The following FAM107B variants were observed in gnomAD, a reference collection of about 807,000 sequenced individuals.
The protein encoded by FAM107B is protein FAM107B.
In FAM107B, 21 loss-of-function variants were observed where a neutral mutation model predicts 31.5. The observed-to-expected ratio is 0.67, with a 90% CI of 0.47 to 0.96. The LOEUF (loss-of-function observed/expected upper bound fraction) is 0.96. Ranked by LOEUF, FAM107B falls within the 40% of genes least tolerant of loss-of-function variation. The pLI, the probability that FAM107B is intolerant of heterozygous loss-of-function variation, is 0.00. For missense variants in FAM107B, 452 were observed against 377.1 expected, an observed-to-expected ratio of 1.20 and a Z score of -1.64; for synonymous variants, 157 against 141.5, an observed-to-expected ratio of 1.11 and a Z score of -0.78.
Position 14,620,309 on chromosome 10 carries a change from G to A in FAM107B, c.469+47325C>T, listed in dbSNP as rs754642632. Reference sequence around the variant, plus strand: ...TGGGATTACAGGCATGAGCCACCGCGCTTGGCCTATTTCTGGATTTTCTAT... The same window carrying A: ...TGGGATTACAGGCATGAGCCACCGCACTTGGCCTATTTCTGGATTTTCTAT... On this transcript the variant is annotated intron_variant, in intron 2 of 4. Coordinates refer to ENST00000181796, the MANE Select transcript of FAM107B (RefSeq NM_031453.4). Among the ~76,000 whole-genome samples the A allele has an allele frequency of 1.5e-4, 23 of 152,054 alleles. No homozygotes were observed. The East Asian group carries it at 1.9e-3, about 13-fold the overall frequency.
At chr10:14,680,124 T>C (rs1334139851) in intron 1 of FAM107B, among the ~76,000 whole-genome samples, 4 of 152,210 alleles carry the variant, frequency 2.6e-5, no homozygotes, top group Non-Finnish European at 4.4e-5. Flanking sequence ...CAGGAGTGGC[T>C]ATAATACAGG....
rs149637467 is a variant in FAM107B, at chr10:14,755,903, T to C, written c.411+18350A>G. 4.3e-4 allele frequency among the ~76,000 whole-genome samples: 65 copies of C among 152,288 alleles called. No homozygotes were observed. The East Asian group carries it at 6.6e-3, about 15-fold the overall frequency. ...GTTTAAGAGATGAGCTCAATATCCATTGAGCACGTTGGTGGGGGACTAAAG... is the reference window on the plus strand; with the variant it reads ...GTTTAAGAGATGAGCTCAATATCCACTGAGCACGTTGGTGGGGGACTAAAG... On this transcript the variant is annotated intron_variant, in intron 1 of 4. Coordinates refer to ENST00000181796, the MANE Select transcript of FAM107B (RefSeq NM_031453.4).
chr10:14,769,771 A>T lies in FAM107B; in HGVS notation c.411+4482T>A, dbSNP rs144224721. On this transcript the variant is annotated intron_variant, in intron 1 of 4. Transcript: ENST00000181796. The stretch of plus-strand genomic sequence containing the variant: ...TTCCTATGTGAGGCTGGCTACTCCC[A>T]GTTCAAGTACAAGCTAGATGGAACT... Among the ~76,000 whole-genome samples, 234 of 152,334 alleles carry T rather than the reference A, an allele frequency of 1.5e-3. 2 individuals are homozygous for T. Among genetic ancestry groups the T allele is most frequent in the African/African-American group, 5.5e-3 (228 of 41,576 alleles).
At chr10:14,580,142 G>A (rs1851587835) in intron 2 of FAM107B, among the ~76,000 whole-genome samples, 1 of 152,160 alleles carries the variant, frequency 6.6e-6, no homozygotes. Context: ...GGTGGATCAT[G>A]AGGTCAGGAG....
chr10:14,637,992 A>G (rs1853545969), intron 2 of FAM107B, among the ~76,000 whole-genome samples: 1 of 152,170 alleles, frequency 6.6e-6, no homozygotes, highest in South Asian at 2.1e-4. Flanking sequence ...CTTGACCCAC[A>G]GAAACTGGAA....
chr10:14,556,197 T>C (rs900554584), intron 2 of FAM107B: 2 of 215,820 alleles, frequency 9.3e-6, no homozygotes, highest in Non-Finnish European at 1.6e-5. Flanking sequence ...ACAGCACTAT[T>C]TGACTAACAA....
At chr10:14,688,440 C>A (rs1448715122) in intron 1 of FAM107B, among the ~76,000 whole-genome samples, 1 of 152,162 alleles carries the variant, frequency 6.6e-6, no homozygotes, top group African/African-American at 2.4e-5. Context: ...GACTAATACA[C>A]ACACACAGGC....
At chr10:14,555,548 C>T (rs1849619595) in intron 2 of FAM107B, among the ~76,000 whole-genome samples, 1 of 152,044 alleles carries the variant, frequency 6.6e-6, no homozygotes, top group Non-Finnish European at 1.5e-5. Context: ...ATAAGTTGTT[C>T]CCACGCCATT....
intron 1 of FAM107B, among the ~76,000 whole-genome samples, chr10:14,708,360 C>T (rs1328999078): frequency 6.6e-6 from 1 of 152,138 alleles, no homozygotes; most frequent in Non-Finnish European, 1.5e-5. Flanking sequence ...AGATTACAGG[C>T]ATGAGCCACC....
At chr10:14,540,027 T>A (rs925096721) in intron 2 of FAM107B, among the ~76,000 whole-genome samples, 1 of 152,220 alleles carries the variant, frequency 6.6e-6, no homozygotes, top group African/African-American at 2.4e-5. Flanking sequence ...CATGTGGACG[T>A]GACACACAGG....
At chr10:14,607,216 G>C (rs1005906563) in intron 2 of FAM107B, among the ~76,000 whole-genome samples, 2 of 152,116 alleles carry the variant, frequency 1.3e-5, no homozygotes, top group African/African-American at 4.8e-5. Context: ...TTTTGCACCA[G>C]GTACCATAAT....
chr10:14,551,444 C>T (rs1849255234), intron 2 of FAM107B, among the ~76,000 whole-genome samples: 1 of 152,028 alleles, frequency 6.6e-6, no homozygotes, highest in African/African-American at 2.4e-5. Flanking sequence ...CTCACCCGGC[C>T]GATAATCTTA....
chr10:14,628,125 T>TTTTTTTTTTTTTTTTTG (rs1853220513), intron 2 of FAM107B, among the ~76,000 whole-genome samples: 1 of 138,544 alleles, frequency 7.2e-6, no homozygotes, highest in Non-Finnish European at 1.6e-5. Context: ...TTTTTTTTTT[T>TTTTTTTTTTTTTTTTTG]TTTTTTTTGA....
intron 3 of FAM107B, among the ~76,000 whole-genome samples, chr10:14,526,954 C>T (rs1445712584): frequency 6.6e-6 from 1 of 152,026 alleles, no homozygotes; most frequent in African/African-American, 2.4e-5. Context: ...TCTCCTGCCT[C>T]AGCCTCCTGA....
At chr10:14,637,975 T>C (rs1196108965) in intron 2 of FAM107B, among the ~76,000 whole-genome samples, 1 of 152,220 alleles carries the variant, frequency 6.6e-6, no homozygotes, top group Non-Finnish European at 1.5e-5. Flanking sequence ...CACGCCATGC[T>C]TAGCCTCTTG....
intron 1 of FAM107B, chr10:14,723,863 C>G: frequency 1.3e-6 from 1 of 754,266 alleles, no homozygotes; most frequent in Non-Finnish European, 2.4e-6. Flanking sequence ...ATGGCAACAA[C>G]GGCATGAACT....
At chr10:14,593,396 T>C (rs958537393) in intron 2 of FAM107B, among the ~76,000 whole-genome samples, 1 of 152,148 alleles carries the variant, frequency 6.6e-6, no homozygotes, top group African/African-American at 2.4e-5. Context: ...CTAATTCTTA[T>C]TCAAGAAAGT....
At chr10:14,549,377 G>A (rs1291669748) in intron 2 of FAM107B, among the ~76,000 whole-genome samples, 1 of 152,256 alleles carries the variant, frequency 6.6e-6, no homozygotes, top group Non-Finnish European at 1.5e-5. Flanking sequence ...AGTACTCGCA[G>A]CATCTATAAT....
chr10:14,632,760 GA>G (rs1853399892), intron 2 of FAM107B, among the ~76,000 whole-genome samples: 2 of 152,006 alleles, frequency 1.3e-5, no homozygotes, highest in South Asian at 4.1e-4. Context: ...AAGGAAGGGA[GA>G]GACACGAGAT....
Sources: gnomAD v4.1 joint callset for allele counts (sites outside exome capture counted in the v4.1 genomes callset) on GRCh38, gnomAD v4.1.1 for gene constraint, MANE v1.5 for transcripts, NCBI Gene and HGNC (gene_info 2026-07-23, HGNC 2026-07-21) for gene names.